PVT1: variants seen among roughly 807,000 people sequenced by gnomAD.
PVT1 encodes CXCR4/PVT1 fusion.
At chr8:127,991,136 C>CTTTTTTTTTTTT (rs1471313507) in intron 4 of PVT1, among the ~76,000 whole-genome samples, 2 of 136,394 alleles carry the variant, frequency 1.5e-5, no homozygotes, top group Non-Finnish European at 1.6e-5. Context: ...TTTTTCTTTT[C>CTTTTTTTTTTTT]TTTCTTTTTT....
chr8:128,016,829 G>C (rs766835798), intron 4 of PVT1, among the ~76,000 whole-genome samples: 3 of 152,206 alleles, frequency 2.0e-5, no homozygotes, highest in Non-Finnish European at 4.4e-5. Flanking sequence ...CTTGAAGTTT[G>C]GAGGGTCTGA....
At chr8:127,868,784 T>TATACTTATATATATATGTATATAC (rs1563625664) in intron 2 of PVT1, among the ~76,000 whole-genome samples, 1 of 84,194 alleles carries the variant, frequency 1.2e-5, no homozygotes, top group Non-Finnish European at 2.0e-5. Context: ...TATATATATA[T>TATACTTATATATATATGTATATAC]ATATATATAC....
Position 128,052,189 on chromosome 8 carries a change from C to T in PVT1, n.913-17971C>T, listed in dbSNP as rs371649941. Among the ~76,000 whole-genome samples, 277 of 152,276 alleles carry T rather than the reference C, an allele frequency of 1.8e-3. 2 individuals are homozygous for T. Among genetic ancestry groups the T allele is most frequent in the Middle Eastern group, 0.014 (4 of 294 alleles). The stretch of plus-strand genomic sequence containing the variant: ...GGCCTGGTGCCTGAGTCCATGGGTA[C>T]AGGCCTAGATTCTGGGTCCCTGGGG... On this transcript the variant is annotated intron_variant and non_coding_transcript_variant, in intron 4 of 10. Transcript: ENST00000651587.
At chr8:128,028,664 C>T (rs1394449224) in intron 4 of PVT1, among the ~76,000 whole-genome samples, 1 of 152,178 alleles carries the variant, frequency 6.6e-6, no homozygotes, top group Non-Finnish European at 1.5e-5. Context: ...AGTTCACCGG[C>T]ACAGTGAAGG....
chr8:127,939,324 G>A (rs550783154), intron 3 of PVT1, among the ~76,000 whole-genome samples: 5 of 152,340 alleles, frequency 3.3e-5, no homozygotes, highest in East Asian at 3.9e-4. Flanking sequence ...GCCTACGACC[G>A]CAGATGGAGC....
At chr8:127,869,729 A>G (rs1302028585) in intron 2 of PVT1, among the ~76,000 whole-genome samples, 1 of 152,214 alleles carries the variant, frequency 6.6e-6, no homozygotes, top group African/African-American at 2.4e-5. Flanking sequence ...TAATTGTACC[A>G]GATTGAGTAG....
rs1211267329 is a variant in PVT1 at position 127,828,838 on chromosome 8, T to TA, written n.372+32768dup. ...CTATTTTTTTCCCCTTAAAAATAAT[T>TA]ACATGCCAGATGCTCGTTCCAAGTT... On this transcript the variant is annotated intron_variant and non_coding_transcript_variant, in intron 2 of 10. Transcript: ENST00000651587. Among the ~76,000 whole-genome samples the TA allele has an allele frequency of 2.6e-5, 4 of 152,272 alleles. No homozygotes were observed. In the East Asian group the frequency reaches 7.7e-4, roughly 29 times the overall value.
intron 3 of PVT1, among the ~76,000 whole-genome samples, chr8:127,967,527 A>C (rs1816716767): frequency 6.6e-6 from 1 of 152,234 alleles, no homozygotes; most frequent in Admixed American, 6.5e-5. Context: ...CAGTACCACG[A>C]GGTCAGTAAA....
At chr8:128,054,759 A>G (rs972129032) in intron 4 of PVT1, among the ~76,000 whole-genome samples, 2 of 152,198 alleles carry the variant, frequency 1.3e-5, no homozygotes, top group Non-Finnish European at 2.9e-5. Flanking sequence ...CCAGGTTTTC[A>G]GGGACACAGA....
intron 4 of PVT1, among the ~76,000 whole-genome samples, chr8:128,065,132 C>T (rs1275241307): frequency 6.6e-6 from 1 of 152,190 alleles, no homozygotes; most frequent in East Asian, 1.9e-4. Flanking sequence ...TTACAATGTA[C>T]GTGCATGTGC....
At chr8:127,807,188 A>G (rs992012284) in intron 2 of PVT1, among the ~76,000 whole-genome samples, 4 of 152,230 alleles carry the variant, frequency 2.6e-5, no homozygotes, top group Non-Finnish European at 5.9e-5. Flanking sequence ...AAGGATATTT[A>G]GAGATGAAAG....
chr8:128,066,982 C>T (rs537267957), intron 4 of PVT1, among the ~76,000 whole-genome samples: 11 of 152,274 alleles, frequency 7.2e-5, no homozygotes, highest in African/African-American at 2.6e-4. Context: ...TGAATGCTAT[C>T]CTTTCACCCC....
chr8:127,943,127 G>A (rs1439224752), intron 3 of PVT1, among the ~76,000 whole-genome samples: 1 of 152,196 alleles, frequency 6.6e-6, no homozygotes, highest in Non-Finnish European at 1.5e-5. Context: ...AAGATGATGT[G>A]TGTCCTCTGG....
intron 3 of PVT1, among the ~76,000 whole-genome samples, chr8:127,970,447 G>A (rs900533537): frequency 1.6e-4 from 25 of 151,828 alleles, no homozygotes; most frequent in Non-Finnish European, 2.8e-4. Context: ...ACAGGCGCCC[G>A]CCACCATGCC....
rs376889846 is a variant in PVT1 at position 128,095,647 on chromosome 8, T to C, written n.1115-871T>C. Among the ~76,000 whole-genome samples the C allele has an allele frequency of 1.2e-4, 19 of 152,364 alleles. 1 individual carries two copies. Among genetic ancestry groups the C allele is most frequent in the African/African-American group, 4.3e-4 (18 of 41,586 alleles). ...GGGGAGTGGAATCGTGAGACAGACCTGTGCCCTGCCGAGCCTAAAATATAT... is the reference window on the plus strand; with the variant it reads ...GGGGAGTGGAATCGTGAGACAGACCCGTGCCCTGCCGAGCCTAAAATATAT... On this transcript the variant is annotated intron_variant and non_coding_transcript_variant, in intron 5 of 10. Transcript: ENST00000651587.
At chr8:127,876,680 G>A (rs148501458) in intron 2 of PVT1, among the ~76,000 whole-genome samples, 29 of 152,248 alleles carry the variant, frequency 1.9e-4, no homozygotes, top group Middle Eastern at 3.4e-3. Context: ...CTAAGCAGGC[G>A]GAGGAGGGAA....
chr8:127,985,944 C>T (rs1234086555), intron 3 of PVT1, among the ~76,000 whole-genome samples: 1 of 152,186 alleles, frequency 6.6e-6, no homozygotes, highest in Non-Finnish European at 1.5e-5. Context: ...TCCTGGCTGC[C>T]ATCTGCCCAC....
At chr8:127,851,261 G>T (rs1040302998) in intron 2 of PVT1, among the ~76,000 whole-genome samples, 1 of 152,128 alleles carries the variant, frequency 6.6e-6, no homozygotes, top group African/African-American at 2.4e-5. Context: ...TGATGTATTC[G>T]TTTGGAGTGG....
chr8:127,978,386 C>A (rs13261086), intron 3 of PVT1, among the ~76,000 whole-genome samples: 24,739 of 151,952 alleles, frequency 0.16, 2,648 homozygotes, highest in African/African-American at 0.3. Context: ...TCTCAAATTC[C>A]TGGCTTCAAG....
Sources: gnomAD v4.1 joint callset for allele counts (sites outside exome capture counted in the v4.1 genomes callset) on GRCh38, gnomAD v4.1.1 for gene constraint, MANE v1.5 for transcripts, NCBI Gene and HGNC (gene_info 2026-07-23, HGNC 2026-07-21) for gene names.